TEX10: variants seen among roughly 807,000 people sequenced by gnomAD.
The protein encoded by TEX10 is testis expressed 10, also known as testis-expressed protein 10.
A neutral mutation model predicts 104.4 loss-of-function variants in TEX10; 24 were observed. That is an observed-to-expected ratio of 0.23 (90% CI 0.17 to 0.32). The LOEUF (loss-of-function observed/expected upper bound fraction) is 0.32. Among genes scored for constraint, TEX10 ranks in the 10% least tolerant of loss-of-function variants. The pLI is 1.00. For synonymous variants in TEX10, 396 were observed against 393.4 expected (o/e 1.01, Z -0.08); for missense variants, 921 against 1,083.9 (o/e 0.85, Z 2.11).
At chr9:100,308,959 T>C (rs1348376822) in intron 12 of TEX10, among the ~76,000 whole-genome samples, 1 of 152,222 alleles carries the variant, frequency 6.6e-6, no homozygotes, top group Admixed American at 6.5e-5. Flanking sequence ...TTCTATAAAA[T>C]GTCTACTGCT....
intron 1 of TEX10, chr9:100,352,500 A>C: frequency 6.4e-7 from 1 of 1,551,096 alleles, no homozygotes; most frequent in Non-Finnish European, 8.7e-7. Flanking sequence ...GGCCCGATTC[A>C]CACACTCCGG....
chr9:100,326,490 G>T lies in TEX10; in HGVS notation c.1802-11C>A. 1 of 1,596,772 alleles carries T rather than the reference G, an allele frequency of 6.3e-7. No homozygotes were observed. Among genetic ancestry groups the T allele is most frequent in the South Asian group, 1.1e-5 (1 of 89,074 alleles). ...CACCTTCTTGTGGATCTAGTGAGGT[G>T]GATAGACATATTAAAAACAACTATA... On this transcript the variant is annotated splice_polypyrimidine_tract_variant and intron_variant, in intron 8 of 14. Transcript: ENST00000374902.
At chr9:100,335,425 T>C (rs1453362892) in intron 5 of TEX10, among the ~76,000 whole-genome samples, 1 of 151,934 alleles carries the variant, frequency 6.6e-6, no homozygotes, top group African/African-American at 2.4e-5. Context: ...ATGGTCTAGG[T>C]CTCCTGACCT....
chr9:100,339,371 T>C (rs1226945696), intron 5 of TEX10, among the ~76,000 whole-genome samples: 1 of 145,008 alleles, frequency 6.9e-6, no homozygotes, highest in Non-Finnish European at 1.5e-5. Context: ...TTTATATATA[T>C]TTATATATAT....
At chr9:100,319,829 T>G (rs910288679) in intron 11 of TEX10, among the ~76,000 whole-genome samples, 2 of 151,896 alleles carry the variant, frequency 1.3e-5, no homozygotes, top group African/African-American at 4.8e-5. Flanking sequence ...TAAAATAAAA[T>G]AAAAAATAAG....
chr9:100,320,638 C>G (rs1834544858), intron 10 of TEX10, among the ~76,000 whole-genome samples: 1 of 152,058 alleles, frequency 6.6e-6, no homozygotes, highest in South Asian at 2.1e-4. Flanking sequence ...TAGCAAGAAA[C>G]AGGTTTTACC....
intron 6 of TEX10, 70 bp from the exon 7 acceptor site, chr9:100,329,345 T>C: frequency 1.3e-6 from 2 of 1,550,540 alleles, no homozygotes; most frequent in Admixed American, 2.3e-5. Flanking sequence ...TTCCTCTGAA[T>C]GCACCGAAGT....
chr9:100,326,839 T>C (rs1834717478), intron 8 of TEX10, among the ~76,000 whole-genome samples: 1 of 152,166 alleles, frequency 6.6e-6, no homozygotes, highest in Non-Finnish European at 1.5e-5. Flanking sequence ...AAGACTTTGT[T>C]TGCTGTGTGT....
chr9:100,320,278 C>A lies in TEX10; in HGVS notation c.2189G>T (p.Trp730Leu). 6.2e-7 allele frequency: 1 copy of A among 1,610,070 alleles called. No homozygotes were observed. The highest frequency in any genetic ancestry group is 1.3e-5 in the African/African-American group (1 of 74,804). ...LTDLDQFLHH[W>L]DVTEAVFHSL... ...ATGAACTATTACCTCTGTTACATCC[C>A]AGTGGTGTAAAAATTGATCCAAATC... Residue 730 changes from tryptophan (W) to leucine (L), a missense_variant, in exon 11 of 15, where the codon TGG becomes TTG. Trp to Leu is a moderately conservative substitution (Grantham distance 61). Around this residue, in one of 3 missense-constraint regions of TEX10, gnomAD observed 753 missense variants for 868.4 expected, o/e 0.87. Transcript: ENST00000374902.
In TEX10 at chr9:100,352,912, C is replaced by A. The variant is rs1835503009; in HGVS notation, c.-150G>T. 4 of 990,304 alleles carry A rather than the reference C, an allele frequency of 4.0e-6. No individual in the cohort carries two copies. In the South Asian group the frequency reaches 1.8e-4, roughly 46 times the overall value. 61.3% of individuals were successfully genotyped at this position (990,304 alleles called of 1,614,324 possible). A position where few individuals can be genotyped will look rare whatever the true frequency, so the allele number is the denominator to read the frequency against. The stretch of plus-strand genomic sequence containing the variant: ...TTCAAATAGCCTCGTCCTCACGCGG[C>A]CGCGTCTCCTTCCGCCGCCCGGAAA... On this transcript the variant is annotated 5_prime_UTR_variant, in exon 1 of 15. Transcript: ENST00000374902.
rs1001996461 is a variant in TEX10 at position 100,334,798 on chromosome 9, G to A, written c.1251-4629C>T. The stretch of plus-strand genomic sequence containing the variant: ...TCCCACCTCAGGCTCCCAAGTATCA[G>A]GGGTTACAGTTGTGCGCCACCACAC... On this transcript the variant is annotated intron_variant, in intron 5 of 14. Coordinates refer to ENST00000374902, the MANE Select transcript of TEX10 (RefSeq NM_017746.4). Among the ~76,000 whole-genome samples the A allele has an allele frequency of 2.0e-5, 3 of 152,038 alleles. No individual in the cohort carries two copies. In the East Asian group the frequency reaches 5.8e-4, roughly 29 times the overall value.
intron 5 of TEX10, among the ~76,000 whole-genome samples, chr9:100,338,327 G>A (rs1406441948): frequency 6.6e-6 from 1 of 152,130 alleles, no homozygotes; most frequent in African/African-American, 2.4e-5. Flanking sequence ...TCTAAGAAAC[G>A]TCAGCACCAG....
At chr9:100,321,638 A>G in intron 10 of TEX10, 45 bp downstream of exon 10, 1 of 1,447,988 alleles carries the variant, frequency 6.9e-7, no homozygotes, top group Non-Finnish European at 9.6e-7. Context: ...ATTGTGATTC[A>G]TATTAGGTTT....
In TEX10 at chr9:100,321,686, T is replaced by C. The variant is rs749099458; in HGVS notation, c.2065A>G (p.Thr689Ala). The C allele has an allele frequency of 1.2e-6, 2 of 1,610,758 alleles. No homozygotes were observed. Among genetic ancestry groups the C allele is most frequent in the Admixed American group, 1.7e-5 (1 of 59,900 alleles). The change falls in exon 10 of 15, where the codon ACA becomes GCA. Residue 689 changes from threonine to alanine, a missense_variant. Thr to Ala is a moderately conservative substitution (Grantham distance 58). Around this residue, in one of 3 missense-constraint regions of TEX10, gnomAD observed 753 missense variants for 868.4 expected, o/e 0.87. Transcript: ENST00000374902. ...DYFSFLFSTL[T>A]GFSKEELTWL... ...TCTGGCAAGTGAATGTGGTTACCTG[T>C]AAGTGTGGAAAATAAGAAGCTGAAA...
chr9:100,339,274 A>AATAT (rs1835101688), intron 5 of TEX10, among the ~76,000 whole-genome samples: 1 of 91,698 alleles, frequency 1.1e-5, no homozygotes, highest in African/African-American at 4.6e-5. Context: ...AAAAAAAAAA[A>AATAT]GTATATATAT....
intron 11 of TEX10, among the ~76,000 whole-genome samples, chr9:100,314,049 A>C (rs538180210): frequency 1.1e-4 from 17 of 150,808 alleles, no homozygotes; most frequent in African/African-American, 3.9e-4. Context: ...TCAGCTGTGA[A>C]TCCATCTGGT....
At chr9:100,310,463 G>A (rs1834248418) in intron 11 of TEX10, 84 bp from the exon 12 acceptor site, 1 of 1,283,000 alleles carries the variant, frequency 7.8e-7, no homozygotes, top group Admixed American at 2.0e-5. Flanking sequence ...TTTTGAGACA[G>A]AGTTTCACTC....
chr9:100,341,628 T>C (rs1228098684), intron 4 of TEX10, among the ~76,000 whole-genome samples: 1 of 152,162 alleles, frequency 6.6e-6, no homozygotes, highest in East Asian at 1.9e-4. Context: ...CATCATCTTT[T>C]ACTTGGATTA....
intron 11 of TEX10, among the ~76,000 whole-genome samples, chr9:100,312,404 C>T (rs1162749824): frequency 1.3e-5 from 2 of 152,048 alleles, no homozygotes; most frequent in East Asian, 3.9e-4. Flanking sequence ...AGAAGCTGAT[C>T]AAGTAAATAT....
Sources: allele counts gnomAD v4.1 joint callset (sites outside exome capture counted in the v4.1 genomes callset), GRCh38; gene constraint gnomAD v4.1.1; regional missense constraint gnomAD v4.1.1; transcripts MANE v1.5; gene names NCBI Gene and HGNC (gene_info 2026-07-23, HGNC 2026-07-21).